KCND3: variants seen among roughly 807,000 people sequenced by gnomAD.
The protein encoded by KCND3 is potassium voltage-gated channel subfamily D member 3.
KCND3 carries 9 observed loss-of-function variants against 51.1 expected under a neutral mutation model. The ratio of observed to expected loss-of-function variants is 0.18; its 90% CI spans 0.11 to 0.31. The LOEUF is 0.31. Ranked by LOEUF, KCND3 falls within the 10% of genes least tolerant of loss-of-function variation. The probability of loss-of-function intolerance (pLI) is 1.00; values close to 1 mark genes in which losing one functional copy is unlikely to be tolerated. For missense variants in KCND3, 526 were observed against 903.8 expected (o/e 0.58, Z 5.36); for synonymous variants, 349 against 368.0 (o/e 0.95, Z 0.59).
At chr1:111,958,297 G>A (rs945744423) in intron 2 of KCND3, among the ~76,000 whole-genome samples, 3 of 152,184 alleles carry the variant, frequency 2.0e-5, no homozygotes, top group Admixed American at 6.5e-5. Flanking sequence ...TGGCTAATCT[G>A]CTCCAGAAAA....
intron 2 of KCND3, among the ~76,000 whole-genome samples, chr1:111,917,053 T>C (rs1180026592): frequency 6.6e-6 from 1 of 152,206 alleles, no homozygotes; most frequent in Non-Finnish European, 1.5e-5. Context: ...GCCCATATGA[T>C]CATCTCAAAA....
chr1:111,804,779 C>A (rs945011894), intron 2 of KCND3, among the ~76,000 whole-genome samples: 1 of 152,250 alleles, frequency 6.6e-6, no homozygotes, highest in Non-Finnish European at 1.5e-5. Flanking sequence ...TATTAGGAGA[C>A]TAAGGCTTGA....
chr1:111,772,479 T>C lies in KCND3; in HGVS notation c.*3598A>G, dbSNP rs902067784. ...ATGTCTCCAATTACAGTATGGATTCTTTGATGGATCTTCTCCAAAGCATCA... is the reference window on the plus strand; with the variant it reads ...ATGTCTCCAATTACAGTATGGATTCCTTGATGGATCTTCTCCAAAGCATCA... On this transcript the variant is annotated 3_prime_UTR_variant, in exon 8 of 8. Coordinates refer to ENST00000302127, the MANE Select transcript of KCND3 (RefSeq NM_001378969.1). The C allele has an allele frequency of 6.6e-6, 1 of 152,224 alleles. No individual in the cohort carries two copies. The highest frequency in any genetic ancestry group is 1.5e-5 in the Non-Finnish European group (1 of 68,034). 9.4% of individuals were successfully genotyped at this position (152,224 alleles called of 1,614,324 possible).
Position 111,981,114 on chromosome 1 carries a change from T to C in KCND3, c.1106+507A>G, listed in dbSNP as rs1674924744. ...TCTGTGGCAGCACAGGAGAAAAGCA[T>C]AACAAATGGGAAAATGGCCTGCAAA... is the stretch of plus-strand genomic sequence containing the variant. On this transcript the variant is annotated intron_variant, in intron 2 of 7. Transcript: ENST00000302127. The surrounding 1 kb of genome is among the most constrained non-coding windows in gnomAD (Gnocchi z 6.2). Among the ~76,000 whole-genome samples the C allele has an allele frequency of 6.6e-6, 1 of 152,066 alleles. No individual in the cohort carries two copies.
chr1:111,978,096 T>G (rs550851924), intron 2 of KCND3, among the ~76,000 whole-genome samples: 1 of 152,292 alleles, frequency 6.6e-6, no homozygotes, highest in East Asian at 1.9e-4. Context: ...CTGTTATTGT[T>G]CTTGTGTGCT....
At position 111,776,097 on chromosome 1, in the gene KCND3, C is replaced by A; in HGVS notation, c.1948G>T (p.Val650Phe). Residue 650 changes from valine to phenylalanine, a missense_variant, in exon 8 of 8, where the codon GTC becomes TTC. This residue lies in a region of KCND3 where 266 missense variants were observed against 305.5 expected (regional missense o/e 0.87). Transcript: ENST00000302127. ...TNIPSIASNV[V>F]KVSAL Reference sequence around the variant, plus strand: ...TGGTTTTACAAGGCGGAGACCTTGACAACATTGCTGGCTATGGAAGGAATG... The same window carrying A: ...TGGTTTTACAAGGCGGAGACCTTGAAAACATTGCTGGCTATGGAAGGAATG... 6.2e-7 allele frequency: 1 copy of A among 1,614,194 alleles called. No homozygotes were observed. The highest frequency in any genetic ancestry group is 8.5e-7 in the Non-Finnish European group (1 of 1,180,028).
chr1:111,846,091 C>A (rs1270810930), intron 2 of KCND3, among the ~76,000 whole-genome samples: 1 of 152,200 alleles, frequency 6.6e-6, no homozygotes, highest in Non-Finnish European at 1.5e-5. Context: ...TACCAGCACA[C>A]TAGCATTGTG....
chr1:111,806,407 T>C (rs1665575280), intron 2 of KCND3, among the ~76,000 whole-genome samples: 1 of 152,206 alleles, frequency 6.6e-6, no homozygotes, highest in South Asian at 2.1e-4. Context: ...TTCCCAAGCA[T>C]GGCATAATGG....
At chr1:111,881,480 C>T (rs1219885234) in intron 2 of KCND3, among the ~76,000 whole-genome samples, 1 of 152,236 alleles carries the variant, frequency 6.6e-6, no homozygotes, top group Admixed American at 6.5e-5. Context: ...TCTGAGCGGG[C>T]TTCCCCTGTC....
intron 2 of KCND3, among the ~76,000 whole-genome samples, chr1:111,905,049 C>T (rs1480967420): frequency 3.9e-5 from 6 of 152,216 alleles, no homozygotes; most frequent in African/African-American, 1.4e-4. Context: ...CCGTACCTCC[C>T]CAGAACACTG....
chr1:111,840,101 A>C (rs1667257759), intron 2 of KCND3, among the ~76,000 whole-genome samples: 1 of 152,202 alleles, frequency 6.6e-6, no homozygotes, highest in Non-Finnish European at 1.5e-5. Context: ...ACATGGTGGA[A>C]GGTGGTGAAC....
intron 2 of KCND3, among the ~76,000 whole-genome samples, chr1:111,889,152 G>T (rs988811437): frequency 2.0e-5 from 3 of 152,194 alleles, no homozygotes; most frequent in Non-Finnish European, 1.5e-5. Context: ...GCAACCTGCT[G>T]CTCTTCCCCG....
At chr1:111,951,615 C>A (rs1171241062) in intron 2 of KCND3, among the ~76,000 whole-genome samples, 1 of 152,094 alleles carries the variant, frequency 6.6e-6, no homozygotes, top group Non-Finnish European at 1.5e-5. Context: ...AAGTACTGGC[C>A]AACATGTTAA....
chr1:111,936,424 G>T (rs1164663000), intron 2 of KCND3, among the ~76,000 whole-genome samples: 1 of 152,208 alleles, frequency 6.6e-6, no homozygotes, highest in Admixed American at 6.5e-5. Flanking sequence ...CTGCAAGAGG[G>T]TCTGAGTCTT....
intron 2 of KCND3, among the ~76,000 whole-genome samples, chr1:111,954,419 A>G (rs746657993): frequency 6.6e-6 from 1 of 152,248 alleles, no homozygotes; most frequent in Admixed American, 6.5e-5. Context: ...TAAACTGAAC[A>G]TACAGAACTG....
rs1674921532 is a variant in KCND3 at position 111,981,046 on chromosome 1, T to G, written c.1106+575A>C. ...TACTGCGAAAAATCCAGGTTCAGAGTCACTTAGAGAAAGTCTGCTCAGAGC... is the reference window on the plus strand; with the variant it reads ...TACTGCGAAAAATCCAGGTTCAGAGGCACTTAGAGAAAGTCTGCTCAGAGC... On this transcript the variant is annotated intron_variant, in intron 2 of 7. Transcript: ENST00000302127. The surrounding 1 kb of genome is among the most constrained non-coding windows in gnomAD (Gnocchi z 6.2). 6.6e-6 allele frequency among the ~76,000 whole-genome samples: 1 copy of G among 152,078 alleles called. No homozygotes were observed. Among genetic ancestry groups the G allele is most frequent in the African/African-American group, 2.4e-5 (1 of 41,394 alleles).
At chr1:111,856,604 C>T (rs1360064968) in intron 2 of KCND3, among the ~76,000 whole-genome samples, 1 of 152,222 alleles carries the variant, frequency 6.6e-6, no homozygotes, top group African/African-American at 2.4e-5. Flanking sequence ...AGCCTCTGCC[C>T]GACTTGGGGT....
intron 2 of KCND3, among the ~76,000 whole-genome samples, chr1:111,930,772 ATTCT>A (rs767013673): frequency 6.6e-6 from 1 of 152,136 alleles, no homozygotes; most frequent in Non-Finnish European, 1.5e-5. Flanking sequence ...CAACATGGGG[ATTCT>A]GGTTTCTATC....
At chr1:111,799,139 C>A (rs996199737) in intron 2 of KCND3, among the ~76,000 whole-genome samples, 4 of 152,208 alleles carry the variant, frequency 2.6e-5, no homozygotes, top group African/African-American at 7.2e-5. Context: ...ATATTTAAAT[C>A]CTGTCCAGAG....
Sources: gnomAD v4.1 joint callset for allele counts (sites outside exome capture counted in the v4.1 genomes callset) on GRCh38, gnomAD v4.1.1 for gene constraint, gnomAD v4.1.1 regional missense constraint, Gnocchi (gnomAD v3.1) non-coding constraint, MANE v1.5 for transcripts, NCBI Gene and HGNC (gene_info 2026-07-23, HGNC 2026-07-21) for gene names.